ITGA7: variants seen among roughly 807,000 people sequenced by gnomAD.
ITGA7 encodes the protein integrin subunit alpha 7.
Under a neutral mutation model 131.6 loss-of-function variants are expected in ITGA7, and 84 were observed. That is an observed-to-expected ratio of 0.64 (90% CI 0.54 to 0.77). ITGA7 has a LOEUF of 0.77. Among genes scored for constraint, ITGA7 ranks in the 30% least tolerant of loss-of-function variants. The probability of loss-of-function intolerance (pLI) is 0.00; values close to 1 mark genes in which losing one functional copy is unlikely to be tolerated. For missense variants in ITGA7, 1,399 were observed against 1,482.9 expected (o/e 0.94, Z 0.93); for synonymous variants, 548 against 600.7 (o/e 0.91, Z 1.28).
rs767427150 is a variant in ITGA7, at chr12:55,703,158, T to C, written c.227A>G (p.Gln76Arg). 9.7e-5 allele frequency: 156 copies of C among 1,611,292 alleles called. No individual in the cohort carries two copies. The highest frequency in any genetic ancestry group is 1.3e-4 in the Non-Finnish European group (155 of 1,179,954). Residue 76 changes from glutamine to arginine, a missense_variant, in exon 2 of 25, where the codon CAG (glutamine) becomes CGG (arginine). By Grantham distance (43) the Gln-to-Arg change is conservative (BLOSUM62 1). Coordinates refer to ENST00000257879, the MANE Select transcript of ITGA7 (RefSeq NM_002206.3). Reference sequence around the variant, plus strand: ...CTGCTGCCCAGGAAGAGCCAGGGCCTGGGGAGCACCCACCAGCAGCCTGCA... The same window carrying C: ...CTGCTGCCCAGGAAGAGCCAGGGCCCGGGGAGCACCCACCAGCAGCCTGCA... Reference protein sequence around the residue: ...PQSWLLVGAPQALALPGQQAN... With the variant: ...PQSWLLVGAPRALALPGQQAN...
At chr12:55,705,526 C>T (rs1438818179) in intron 1 of ITGA7, among the ~76,000 whole-genome samples, 4 of 152,382 alleles carry the variant, frequency 2.6e-5, no homozygotes, top group Non-Finnish European at 5.9e-5. Flanking sequence ...CTCTTTGGCC[C>T]CTCTCAATCT....
At chr12:55,688,337 C>T (rs1275012775) in intron 22 of ITGA7, 37 bp from the exon 23 acceptor site, 1 of 1,350,050 alleles carries the variant, frequency 7.4e-7, no homozygotes, top group Non-Finnish European at 1.1e-6. Context: ...CTCCTAAATG[C>T]CCCATGTCTC....
chr12:55,693,618 G>C (rs1372814292), intron 19 of ITGA7, among the ~76,000 whole-genome samples: 1 of 151,978 alleles, frequency 6.6e-6, no homozygotes, highest in Non-Finnish European at 1.5e-5. Context: ...ACCCCACCAG[G>C]CACCATTCTC....
chr12:55,716,070 G>C (rs753785870), upstream of ITGA7: 274 of 1,568,412 alleles, frequency 1.7e-4, 1 homozygote, highest in Non-Finnish European at 1.6e-4. Flanking sequence ...GGGGAGCCGA[G>C]GTGAGCGTTC....
upstream of ITGA7, among the ~76,000 whole-genome samples, chr12:55,714,731 TATATACAC>T (rs2136127256): frequency 6.7e-6 from 1 of 149,806 alleles, no homozygotes; most frequent in African/African-American, 2.4e-5. Flanking sequence ...TATACATACA[TATATACAC>T]ATATATACGT....
Position 55,694,164 on chromosome 12 carries a change from G to T in ITGA7, c.2433-41C>A. On this transcript the variant is annotated intron_variant, in intron 18 of 24. Coordinates refer to ENST00000257879, the MANE Select transcript of ITGA7 (RefSeq NM_002206.3). This position sits in a 1 kb window ranked among gnomAD's most constrained non-coding sequence, Gnocchi z 5.3. ...CAGAACAGGGGTGAGAAGGTCTGGG[G>T]CCTGGCTCAATGAAGGCAGGGCCCT... is the stretch of plus-strand genomic sequence containing the variant. 6.2e-7 allele frequency: 1 copy of T among 1,608,272 alleles called. No homozygotes were observed. Among genetic ancestry groups the T allele is most frequent in the Non-Finnish European group, 8.5e-7 (1 of 1,174,610 alleles).
chr12:55,715,983 C>A, upstream of ITGA7: 3 of 1,470,298 alleles, frequency 2.0e-6, no homozygotes, highest in Non-Finnish European at 2.7e-6. Flanking sequence ...CTCTCTTCCC[C>A]GCCAAGATCT....
chr12:55,696,558 G>T (rs1872668115), intron 12 of ITGA7, 126 bp from the exon 13 acceptor site: 1 of 1,054,372 alleles, frequency 9.5e-7, no homozygotes, highest in Admixed American at 2.0e-5. Flanking sequence ...AATGAGAGAG[G>T]TGGAGAACTG....
chr12:55,688,883 C>T lies in ITGA7; in HGVS notation c.2919G>A (p.Leu973=). The T allele has an allele frequency of 6.2e-7, 1 of 1,614,090 alleles. No homozygotes were observed. Among genetic ancestry groups the T allele is most frequent in the South Asian group, 1.1e-5 (1 of 91,078 alleles). Residue 973 remains leucine, a synonymous_variant, in exon 22 of 25, where the codon CTG becomes CTA. Coordinates refer to ENST00000257879, the MANE Select transcript of ITGA7 (RefSeq NM_002206.3). The part of the protein sequence containing the change: ...PLYSFDRAAV[L]HVWGRLWNST... ...TGTTCCAGAGACGGCCCCAGACATGCAGCACAGCCGCGCGGTCAAAGCTGT... is the reference window on the plus strand; with the variant it reads ...TGTTCCAGAGACGGCCCCAGACATGTAGCACAGCCGCGCGGTCAAAGCTGT...
At position 55,693,325 on chromosome 12, in the gene ITGA7, A is replaced by G. The variant is rs753697864; in HGVS notation, c.2536-8T>C. ...CTGGCCTTGGTTGGAAACCTGTGGGAAAAAGAGAGTATGAGGGGAGAGACC... is the reference window on the plus strand; with the variant it reads ...CTGGCCTTGGTTGGAAACCTGTGGGGAAAAGAGAGTATGAGGGGAGAGACC... On this transcript the variant is annotated splice_polypyrimidine_tract_variant and splice_region_variant and intron_variant, in intron 19 of 24. Coordinates refer to ENST00000257879, the MANE Select transcript of ITGA7 (RefSeq NM_002206.3). 6.2e-6 allele frequency: 10 copies of G among 1,611,954 alleles called. No individual in the cohort carries two copies. The African/African-American group carries it at 6.7e-5, about 11-fold the overall frequency.
chr12:55,687,549 T>C (rs1459438831), intron 24 of ITGA7, among the ~76,000 whole-genome samples: 1 of 132,850 alleles, frequency 7.5e-6, no homozygotes, highest in African/African-American at 2.9e-5. Context: ...TGGAGTGCAA[T>C]GGCGCCATCT....
At chr12:55,697,185 G>C in intron 11 of ITGA7, 31 bp downstream of exon 11, 3 of 1,582,332 alleles carry the variant, frequency 1.9e-6, no homozygotes, top group Non-Finnish European at 2.6e-6. Context: ...AAACCCAAAA[G>C]GGCGAGCCAC....
At chr12:55,688,663 C>A (rs1870761187) in intron 22 of ITGA7, among the ~76,000 whole-genome samples, 181 bp downstream of exon 22, 1 of 147,264 alleles carries the variant, frequency 6.8e-6, no homozygotes. Flanking sequence ...GCAGAGGTTG[C>A]AGTGAGCTGA....
intron 21 of ITGA7, among the ~76,000 whole-genome samples, chr12:55,691,762 G>A (rs974946297): frequency 1.3e-5 from 2 of 152,198 alleles, no homozygotes; most frequent in East Asian, 3.9e-4. Context: ...TACATCCCCT[G>A]ACGTTCTTCA....
At position 55,694,484 on chromosome 12, in the gene ITGA7, G is replaced by A; in HGVS notation, c.2316C>T (p.Ser772=). The A allele has an allele frequency of 6.2e-7, 1 of 1,614,214 alleles. No individual in the cohort carries two copies. The highest frequency in any genetic ancestry group is 8.5e-7 in the Non-Finnish European group (1 of 1,180,022). Reference sequence around the variant, plus strand: ...CTACCTCCAGTTCCGTGGTCTCAATGCTGATCCCGGAGGTGCTAAGGATGA... The same window carrying A: ...CTACCTCCAGTTCCGTGGTCTCAATACTGATCCCGGAGGTGCTAAGGATGA... ...FYLILSTSGI[S]IETTELEVEL... Residue 772 remains serine (S), a synonymous_variant, in exon 17 of 25, where the codon AGC becomes AGT. Coordinates refer to ENST00000257879, the MANE Select transcript of ITGA7 (RefSeq NM_002206.3). The surrounding 1 kb of genome is among the most constrained non-coding windows in gnomAD (Gnocchi z 5.3).
intron 5 of ITGA7, among the ~76,000 whole-genome samples, 161 bp from the exon 6 acceptor site, chr12:55,699,078 G>T (rs1172531550): frequency 6.6e-6 from 1 of 151,484 alleles, no homozygotes; most frequent in Non-Finnish European, 1.5e-5. Flanking sequence ...CAAAAGATAG[G>T]TCCCCCCAAG....
chr12:55,696,341 C>T lies in ITGA7; in HGVS notation c.1829G>A (p.Gly610Glu). The part of the protein sequence containing the change: ...PRLRRQAPGQ[G>E]LPPVAPILNA... Reference sequence around the variant, plus strand: ...GAGGATGGGGGCCACTGGAGGCAGCCCCTGGCCAGGAGCCTGTCGCCGGAG... The same window carrying T: ...GAGGATGGGGGCCACTGGAGGCAGCTCCTGGCCAGGAGCCTGTCGCCGGAG... The change falls in exon 13 of 25, where the codon GGG becomes GAG. Residue 610 changes from glycine (G) to glutamate (E), a missense_variant. Transcript: ENST00000257879. The T allele has an allele frequency of 1.3e-6, 2 of 1,585,808 alleles. No homozygotes were observed. Among genetic ancestry groups the T allele is most frequent in the Non-Finnish European group, 1.7e-6 (2 of 1,164,938 alleles).
chr12:55,698,580 TG>T lies in ITGA7; in HGVS notation c.999-5del. ...ACCCACTATCAGGTCTGGCCAGCTATGGAGAGAGGGAAACATTCAGTGTGGG... is the reference window on the plus strand; with the variant it reads ...ACCCACTATCAGGTCTGGCCAGCTATGAGAGAGGGAAACATTCAGTGTGGG... On this transcript the variant is annotated splice_region_variant and splice_polypyrimidine_tract_variant and intron_variant, in intron 6 of 24. Transcript: ENST00000257879. 1 of 1,614,038 alleles carries T rather than the reference TG, an allele frequency of 6.2e-7. No homozygotes were observed. The highest frequency in any genetic ancestry group is 8.5e-7 in the Non-Finnish European group (1 of 1,179,964).
chr12:55,707,516 A>G lies in ITGA7; in HGVS notation c.167T>C (p.Val56Ala), dbSNP rs1268685956. Residue 56 changes from valine (V) to alanine (A), a missense_variant, in exon 1 of 25, where the codon GTG becomes GCG. Coordinates refer to ENST00000257879, the MANE Select transcript of ITGA7 (RefSeq NM_002206.3). ...GGGCTGCAACTGCCGGTGCAGGGCC[A>G]CAGAGAAGCCGAAGAGGCTGCCTGG... ...GEPGSLFGFS[V>A]ALHRQLQPRP... 14 of 1,613,918 alleles carry G rather than the reference A, an allele frequency of 8.7e-6. No homozygotes were observed. Among genetic ancestry groups the G allele is most frequent in the Non-Finnish European group, 1.2e-5 (14 of 1,179,952 alleles).
Sources: allele counts gnomAD v4.1 joint callset (sites outside exome capture counted in the v4.1 genomes callset), GRCh38; gene constraint gnomAD v4.1.1; non-coding constraint Gnocchi (gnomAD v3.1); transcripts MANE v1.5; gene names NCBI Gene and HGNC (gene_info 2026-07-23, HGNC 2026-07-21).